Variants in CD200 observed in about 807,000 individuals in gnomAD.
CD200 encodes the protein CD200 molecule.
Under a neutral mutation model 30.9 loss-of-function variants are expected in CD200, and 15 were observed. That is an observed-to-expected ratio of 0.49 (90% CI 0.32 to 0.75). The LOEUF is 0.75. Among genes scored for constraint, CD200 ranks in the 30% least tolerant of loss-of-function variants. The pLI is 0.03. For synonymous variants in CD200, 134 were observed against 126.2 expected, an observed-to-expected ratio of 1.06 and a Z score of -0.41; for missense variants, 262 against 324.2, an observed-to-expected ratio of 0.81 and a Z score of 1.47.
At chr3:112,339,282 A>C (rs1423910555) in intron 1 of CD200, among the ~76,000 whole-genome samples, 1 of 152,230 alleles carries the variant, frequency 6.6e-6, no homozygotes, top group East Asian at 1.9e-4. Flanking sequence ...TAGTTTCAAA[A>C]GCCAAAATTT....
intron 2 of CD200, among the ~76,000 whole-genome samples, chr3:112,342,332 TCTTTC>T (rs1559783124): frequency 0.016 from 324 of 19,692 alleles, 37 homozygotes; most frequent in Middle Eastern, 0.026. Context: ...TTTCTTTCTT[TCTTTC>T]CTTCTTTCTT....
intron 1 of CD200, chr3:112,333,500 T>C: frequency 1.0e-6 from 1 of 985,372 alleles, no homozygotes; most frequent in Non-Finnish European, 1.2e-6. Context: ...AGGCCGGGGC[T>C]CCGGGGGCTC....
Position 112,340,998 on chromosome 3 carries a change from T to C in CD200, c.94+15T>C, listed in dbSNP as rs747732626. The stretch of plus-strand genomic sequence containing the variant: ...CACAGCACAAGGTAAAGAAACTCAA[T>C]TCCCCTGCTTGGAGCCCAGCAAACA... On this transcript the variant is annotated intron_variant, in intron 2 of 5. Coordinates refer to ENST00000315711, the MANE Select transcript of CD200 (RefSeq NM_005944.7). 29 of 1,553,066 alleles carry C rather than the reference T, an allele frequency of 1.9e-5. No homozygotes were observed. The highest frequency in any genetic ancestry group is 2.4e-5 in the Non-Finnish European group (27 of 1,125,430).
chr3:112,342,377 C>A (rs1033346987), intron 2 of CD200, among the ~76,000 whole-genome samples: 6 of 40,166 alleles, frequency 1.5e-4, no homozygotes, highest in African/African-American at 5.3e-4. Context: ...TTCTTTCTTT[C>A]TTTCTTTCTT....
At chr3:112,344,357 AG>A (rs2081335527) in intron 2 of CD200, among the ~76,000 whole-genome samples, 1 of 152,244 alleles carries the variant, frequency 6.6e-6, no homozygotes, top group African/African-American at 2.4e-5. Context: ...ATTTAGTGAA[AG>A]CAGAGGGTGT....
intron 2 of CD200, among the ~76,000 whole-genome samples, chr3:112,342,816 C>T (rs1050214785): frequency 2.6e-5 from 4 of 152,090 alleles, no homozygotes; most frequent in Non-Finnish European, 5.9e-5. Flanking sequence ...TTCTGGTGTA[C>T]CTAAGACTTA....
intron 5 of CD200, among the ~76,000 whole-genome samples, chr3:112,354,367 C>T (rs1410540414): frequency 6.6e-6 from 1 of 152,194 alleles, no homozygotes; most frequent in East Asian, 1.9e-4. Context: ...ATGAGAAAAT[C>T]TACCAGCTGA....
chr3:112,335,363 G>A (rs2081088887), intron 1 of CD200, among the ~76,000 whole-genome samples: 1 of 152,174 alleles, frequency 6.6e-6, no homozygotes, highest in African/African-American at 2.4e-5. Flanking sequence ...TATGAAGACA[G>A]GAAGAGAAGT....
intron 1 of CD200, 109 bp downstream of exon 1, chr3:112,333,333 A>G (rs2081039719): frequency 2.7e-6 from 4 of 1,474,368 alleles, no homozygotes; most frequent in Admixed American, 2.3e-5. Context: ...TCTTGCCACA[A>G]TCTGGTCCGG....
chr3:112,346,104 G>A (rs1209786449), intron 3 of CD200, among the ~76,000 whole-genome samples: 1 of 151,654 alleles, frequency 6.6e-6, no homozygotes, highest in Non-Finnish European at 1.5e-5. Flanking sequence ...GAGAATGCAA[G>A]GGAGATAGGA....
In CD200 at chr3:112,355,076, T is replaced by C. The variant is rs534387360; in HGVS notation, c.802+5257T>C. On this transcript the variant is annotated intron_variant, in intron 5 of 5. Coordinates refer to ENST00000315711, the MANE Select transcript of CD200 (RefSeq NM_005944.7). ...GTAAAGTAACATATTCACAGATTCCTGGAATTAGAATATGGATGTCTTTGG... is the reference window on the plus strand; with the variant it reads ...GTAAAGTAACATATTCACAGATTCCCGGAATTAGAATATGGATGTCTTTGG... Among the ~76,000 whole-genome samples the C allele has an allele frequency of 1.4e-4, 22 of 152,338 alleles. No homozygotes were observed. The East Asian group carries it at 4.1e-3, about 28-fold the overall frequency.
chr3:112,345,162 C>A lies in CD200; in HGVS notation c.295C>A (p.Leu99Met), dbSNP rs894594109. Residue 99 changes from leucine (L) to methionine (M), a missense_variant, in exon 3 of 6, where the codon CTG (leucine) becomes ATG (methionine). By Grantham distance (15) the Leu-to-Met change is conservative. Transcript: ENST00000315711. ...AYKDKINITQ[L>M]GLQNSTITFW... ...TAAGGACAAGATAAACATTACCCAG[C>A]TGGGACTCCAAAACTCAACCATCAC... The A allele has an allele frequency of 6.2e-7, 1 of 1,613,996 alleles. No individual in the cohort carries two copies. Among genetic ancestry groups the A allele is most frequent in the Non-Finnish European group, 8.5e-7 (1 of 1,179,976 alleles).
At chr3:112,335,698 G>T (rs1576581069) in intron 1 of CD200, 2 of 469,668 alleles carry the variant, frequency 4.3e-6, no homozygotes, top group Admixed American at 7.2e-5. Context: ...TATCCTGAAA[G>T]ATCCATCAGG....
rs559387579 is a variant in CD200, at chr3:112,349,708, A to G, written c.695-4A>G. 2.5e-6 allele frequency: 4 copies of G among 1,607,760 alleles called. No individual in the cohort carries two copies. The highest frequency in any genetic ancestry group is 1.3e-5 in the African/African-American group (1 of 74,742). On this transcript the variant is annotated splice_region_variant and splice_polypyrimidine_tract_variant and intron_variant, in intron 4 of 5. Coordinates refer to ENST00000315711, the MANE Select transcript of CD200 (RefSeq NM_005944.7). ...TTTCCTTTTTCTTTCTTCAATATCT[A>G]TAGGCTATTGGTTTTCAGTTCCGCT...
At chr3:112,351,548 A>G (rs1398576699) in intron 5 of CD200, among the ~76,000 whole-genome samples, 1 of 152,120 alleles carries the variant, frequency 6.6e-6, no homozygotes, top group Non-Finnish European at 1.5e-5. Context: ...GAATCAGCTT[A>G]TTTCTCTGCC....
At chr3:112,338,342 T>C (rs2081165261) in intron 1 of CD200, among the ~76,000 whole-genome samples, 1 of 152,186 alleles carries the variant, frequency 6.6e-6, no homozygotes, top group African/African-American at 2.4e-5. Flanking sequence ...TTGGGTAAAA[T>C]GACGATTAAT....
chr3:112,345,302 A>T lies in CD200; in HGVS notation c.421+14A>T, dbSNP rs2081358163. 7 of 1,594,382 alleles carry T rather than the reference A, an allele frequency of 4.4e-6. No individual in the cohort carries two copies. The highest frequency in any genetic ancestry group is 6.0e-6 in the Non-Finnish European group (7 of 1,163,114). On this transcript the variant is annotated intron_variant, in intron 3 of 5. Coordinates refer to ENST00000315711, the MANE Select transcript of CD200 (RefSeq NM_005944.7). ...TCACCGTCTATGGTGAGAATCTCTG[A>T]GAATCATTGTCTGTGTCTGGAAATA...
rs755464529 is a variant in CD200 at position 112,362,474 on chromosome 3, A to C, written c.*924A>C. ...AGATTTCCTGTATAGCAGTCAGCCA[A>C]TTCATATGCTTTGTCTCTGCTGGCT... On this transcript the variant is annotated 3_prime_UTR_variant, in exon 6 of 6. Coordinates refer to ENST00000315711, the MANE Select transcript of CD200 (RefSeq NM_005944.7). 1 of 152,618 alleles carries C rather than the reference A, an allele frequency of 6.6e-6. No homozygotes were observed. The highest frequency in any genetic ancestry group is 1.5e-5 in the Non-Finnish European group (1 of 68,030). The allele number at this position is 152,618 out of a possible 1,614,324, so 9.5% of individuals were successfully genotyped here.
intron 1 of CD200, 191 bp downstream of exon 1, chr3:112,333,415 C>T (rs534552528): frequency 1.0e-6 from 1 of 985,410 alleles, no homozygotes; most frequent in African/African-American, 1.7e-5. Flanking sequence ...CGGATTTTGC[C>T]TTCCAAAGGG....
Sources: allele counts gnomAD v4.1 joint callset (sites outside exome capture counted in the v4.1 genomes callset), GRCh38; gene constraint gnomAD v4.1.1; transcripts MANE v1.5; gene names NCBI Gene and HGNC (gene_info 2026-07-23, HGNC 2026-07-21).